The following MYRFL variants were observed in gnomAD, a reference collection of about 807,000 sequenced individuals.
MYRFL encodes the protein myelin regulatory factor like, also known as myelin regulatory factor-like protein.
In MYRFL, 88 loss-of-function variants were observed where a neutral mutation model predicts 109.4. That is an observed-to-expected ratio of 0.80 (90% CI 0.68 to 0.96). The LOEUF (loss-of-function observed/expected upper bound fraction) is 0.96. Ranked by LOEUF, MYRFL falls within the 40% of genes least tolerant of loss-of-function variation. MYRFL has a pLI of 0.00. For missense variants in MYRFL, 957 were observed against 954.9 expected (o/e 1.00, Z -0.03); for synonymous variants, 324 against 320.9 (o/e 1.01, Z -0.10).
intron 17 of MYRFL, 38 bp downstream of exon 17, chr12:69,936,225 T>C (rs748319598): frequency 5.4e-5 from 83 of 1,535,602 alleles, no homozygotes; most frequent in East Asian, 1.7e-4. Context: ...TAAAATTCCT[T>C]TGGAGAGAAG....
rs778455296 is a variant in MYRFL at position 69,936,497 on chromosome 12, C to T, written c.2089C>T (p.Pro697Ser). 5.9e-6 allele frequency: 9 copies of T among 1,535,958 alleles called. No homozygotes were observed. Among genetic ancestry groups the T allele is most frequent in the Middle Eastern group, 1.7e-4 (1 of 6,012 alleles). Residue 697 changes from proline to serine, a missense_variant, in exon 19 of 25, where the codon CCT becomes TCT. Physicochemically the swap from Pro to Ser is moderately conservative, Grantham distance 74. Coordinates refer to ENST00000552032, the MANE Select transcript of MYRFL (RefSeq NM_182530.3). Reference sequence around the variant, plus strand: ...AACCACACCGGCCTCCTTACAAGTACCTGAAATTACTTTCTGTGAAATCCT... The same window carrying T: ...AACCACACCGGCCTCCTTACAAGTATCTGAAATTACTTTCTGTGAAATCCT... ...LVTTPASLQV[P>S]EITFCEILPC...
In MYRFL at chr12:69,889,210, T is replaced by G. The variant is rs1488023824; in HGVS notation, c.708-1761T>G. 2.6e-5 allele frequency among the ~76,000 whole-genome samples: 4 copies of G among 151,842 alleles called. 1 individual carries two copies. The South Asian group carries it at 8.3e-4, about 32-fold the overall frequency. Reference sequence around the variant, plus strand: ...TGCCCTCCTCTGCTTGCAGAGAGCTTCTTTCTTGAGAAGAAACCCACATTT... The same window carrying G: ...TGCCCTCCTCTGCTTGCAGAGAGCTGCTTTCTTGAGAAGAAACCCACATTT... On this transcript the variant is annotated intron_variant, in intron 6 of 24. Transcript: ENST00000552032.
At chr12:69,846,629 G>A (rs1313899030) in intron 1 of MYRFL, among the ~76,000 whole-genome samples, 1 of 152,080 alleles carries the variant, frequency 6.6e-6, no homozygotes. Flanking sequence ...CCAAGTCTTT[G>A]CTATTGCGAA....
rs186043743 is a variant in MYRFL, at chr12:69,853,135, G to A, written c.47-2145G>A. 9.0e-3 allele frequency among the ~76,000 whole-genome samples: 1,367 copies of A among 151,960 alleles called. 20 individuals are homozygous for A. The highest frequency in any genetic ancestry group is 0.031 in the African/African-American group (1,286 of 41,440). On this transcript the variant is annotated intron_variant, in intron 1 of 24. Transcript: ENST00000552032. ...CAGACGGGGTGGCGGCTGGGCAGAG[G>A]GGCTCCTCACTTCCCAGACGGGGCG...
chr12:69,852,740 C>G (rs541650277), intron 1 of MYRFL, among the ~76,000 whole-genome samples: 13 of 151,980 alleles, frequency 8.6e-5, no homozygotes, highest in African/African-American at 3.1e-4. Context: ...TGCCGCCTTC[C>G]GCAGTGTTTG....
In MYRFL at chr12:69,887,946, A is replaced by G. The variant is rs576257169; in HGVS notation, c.707+976A>G. On this transcript the variant is annotated intron_variant, in intron 6 of 24. Transcript: ENST00000552032. The stretch of plus-strand genomic sequence containing the variant: ...TTTGAGGCTTGGCCTTCCTTAGATT[A>G]TCTTTTGGGGAACATTCCATGTTTT... Among the ~76,000 whole-genome samples, 185 of 152,308 alleles carry G rather than the reference A, an allele frequency of 1.2e-3. 1 individual carries two copies. The highest frequency in any genetic ancestry group is 2.3e-3 in the Non-Finnish European group (154 of 68,022).
intron 11 of MYRFL, among the ~76,000 whole-genome samples, chr12:69,908,988 C>A (rs970935300): frequency 2.6e-5 from 4 of 152,128 alleles, no homozygotes; most frequent in Non-Finnish European, 4.4e-5. Context: ...TCATTTAGCC[C>A]TCAGTTATAA....
intron 2 of MYRFL, among the ~76,000 whole-genome samples, chr12:69,870,736 A>G (rs1885305504): frequency 6.6e-6 from 1 of 152,214 alleles, no homozygotes; most frequent in African/African-American, 2.4e-5. Flanking sequence ...AAATACAATG[A>G]AATAAAGGAG....
At chr12:69,897,739 A>G (rs1162743884) in intron 10 of MYRFL, among the ~76,000 whole-genome samples, 1 of 152,264 alleles carries the variant, frequency 6.6e-6, no homozygotes, top group Non-Finnish European at 1.5e-5. Flanking sequence ...ATTGTAAATG[A>G]TGGAGCCTGG....
chr12:69,832,945 TGTGTGTGTGTGTG>T (rs990674670), intron 1 of MYRFL, among the ~76,000 whole-genome samples: 11 of 226 alleles, frequency 0.049, no homozygotes, highest in East Asian at 0.2. Flanking sequence ...GGAACAGGCT[TGTGTGTGTGTGTG>T]TGTGTGTGTG....
At chr12:69,952,458 TTC>T (rs1461180454) in intron 20 of MYRFL, among the ~76,000 whole-genome samples, 3 of 152,232 alleles carry the variant, frequency 2.0e-5, no homozygotes, top group African/African-American at 7.2e-5. Flanking sequence ...TTAGTTTGTC[TTC>T]TGTTTTCTGA....
chr12:69,924,166 G>A (rs543403381), intron 13 of MYRFL, among the ~76,000 whole-genome samples: 1 of 147,118 alleles, frequency 6.8e-6, no homozygotes, highest in East Asian at 2.0e-4. Flanking sequence ...TCCAGCCTGG[G>A]TGACACAGCA....
At chr12:69,832,630 C>T (rs80347493) in intron 1 of MYRFL, among the ~76,000 whole-genome samples, 70 of 152,090 alleles carry the variant, frequency 4.6e-4, no homozygotes, top group African/African-American at 1.6e-3. Flanking sequence ...GGGAGAAGAA[C>T]ATTTTAGGTA....
intron 8 of MYRFL, 65 bp downstream of exon 8, chr12:69,893,905 A>G: frequency 1.8e-6 from 1 of 544,608 alleles, no homozygotes; most frequent in Non-Finnish European, 2.6e-6. Context: ...TTTGTTTTTT[A>G]TATATATATA....
intron 1 of MYRFL, among the ~76,000 whole-genome samples, chr12:69,838,117 C>T (rs1371435437): frequency 2.0e-5 from 3 of 152,136 alleles, no homozygotes; most frequent in Non-Finnish European, 4.4e-5. Context: ...CTCGGGAGGA[C>T]AGAAAGGCAT....
chr12:69,861,419 G>T (rs1884655161), intron 2 of MYRFL, among the ~76,000 whole-genome samples: 1 of 152,144 alleles, frequency 6.6e-6, no homozygotes, highest in African/African-American at 2.4e-5. Context: ...GTTGTTTCCT[G>T]ACTTTTTAAT....
At chr12:69,849,141 G>C (rs1314185412) in intron 1 of MYRFL, among the ~76,000 whole-genome samples, 1 of 152,198 alleles carries the variant, frequency 6.6e-6, no homozygotes, top group Non-Finnish European at 1.5e-5. Context: ...CAAAGTGCTG[G>C]AATTACAGGC....
Position 69,851,771 on chromosome 12 carries a change from A to G in MYRFL, c.47-3509A>G, listed in dbSNP as rs1434237037. On this transcript the variant is annotated intron_variant, in intron 1 of 24. Coordinates refer to ENST00000552032, the MANE Select transcript of MYRFL (RefSeq NM_182530.3). ...CCTCCCGGGCTCAGAAGAACCACCC[A>G]CCTTAGCCTCCTGAGAATCTGGGAC... is the stretch of plus-strand genomic sequence containing the variant. Among the ~76,000 whole-genome samples the G allele has an allele frequency of 4.6e-5, 7 of 152,192 alleles. No individual in the cohort carries two copies. In the East Asian group the frequency reaches 1.4e-3, roughly 29 times the overall value.
At chr12:69,933,712 C>CCTGT (rs1438040869) in intron 16 of MYRFL, among the ~76,000 whole-genome samples, 1 of 152,132 alleles carries the variant, frequency 6.6e-6, no homozygotes, top group Non-Finnish European at 1.5e-5. Context: ...CCCAAGTGTG[C>CCTGT]CTGTCTTCTC....
Sources: allele counts gnomAD v4.1 joint callset (sites outside exome capture counted in the v4.1 genomes callset), GRCh38; gene constraint gnomAD v4.1.1; transcripts MANE v1.5; gene names NCBI Gene and HGNC (gene_info 2026-07-23, HGNC 2026-07-21).